The following NUP93 variants were observed in gnomAD, a reference collection of about 807,000 sequenced individuals.
NUP93 encodes the protein nuclear pore complex protein Nup93.
NUP93 carries 55 observed loss-of-function variants against 107.8 expected under a neutral mutation model. The observed-to-expected ratio is 0.51, with a 90% confidence interval of 0.41 to 0.64. NUP93 has a LOEUF of 0.64. NUP93 is among the 30% of genes least tolerant of loss of function. The probability of loss-of-function intolerance (pLI) is 0.00; values close to 1 mark genes in which losing one functional copy is unlikely to be tolerated. For missense variants in NUP93, 937 were observed against 1,044.7 expected (o/e 0.90, Z 1.42); for synonymous variants, 390 against 397.5 (o/e 0.98, Z 0.22).
At chr16:56,830,059 C>T (rs893226073) in intron 9 of NUP93, among the ~76,000 whole-genome samples, 3 of 152,228 alleles carry the variant, frequency 2.0e-5, no homozygotes, top group Non-Finnish European at 4.4e-5. Context: ...CAGTACCTGA[C>T]ACCAAGATAC....
At position 56,831,902 on chromosome 16, in the gene NUP93, T is replaced by A. The variant is rs1232206728; in HGVS notation, c.1146T>A (p.Asn382Lys). The change falls in exon 11 of 22, where the codon AAT (asparagine) becomes AAA (lysine). Residue 382 changes from asparagine (N) to lysine (K), a missense_variant. Asn to Lys is a moderately conservative substitution (Grantham distance 94, BLOSUM62 0). Transcript: ENST00000308159. Reference sequence around the variant, plus strand: ...ATTACCGTAGGGCCCTCAGGAACAATACAGATCCCTACAAGCGGGCCGTGT... The same window carrying A: ...ATTACCGTAGGGCCCTCAGGAACAAAACAGATCCCTACAAGCGGGCCGTGT... ...RLHYRRALRN[N>K]TDPYKRAVYC... The A allele has an allele frequency of 3.7e-6, 6 of 1,613,962 alleles. No individual in the cohort carries two copies. Among genetic ancestry groups the A allele is most frequent in the Non-Finnish European group, 5.1e-6 (6 of 1,180,018 alleles).
At position 56,799,186 on chromosome 16, in the gene NUP93, A is replaced by G. The variant is rs576378903; in HGVS notation, c.360+648A>G. On this transcript the variant is annotated intron_variant, in intron 4 of 21. Coordinates refer to ENST00000308159, the MANE Select transcript of NUP93 (RefSeq NM_014669.5). The stretch of plus-strand genomic sequence containing the variant: ...CAGCAGTTCAGAAAAGCAGCTGACA[A>G]TTTCCTTCAACTTAGTTTCCTTTTA... Among the ~76,000 whole-genome samples the G allele has an allele frequency of 7.9e-5, 12 of 152,268 alleles. No individual in the cohort carries two copies. The South Asian group carries it at 2.3e-3, about 29-fold the overall frequency.
chr16:56,800,097 C>T (rs1470640404), intron 4 of NUP93, among the ~76,000 whole-genome samples: 5 of 152,168 alleles, frequency 3.3e-5, no homozygotes, highest in South Asian at 2.1e-4. Flanking sequence ...GCAGGAGAAC[C>T]GCTTGAACCT....
chr16:56,783,727 C>G lies in NUP93; in HGVS notation c.298-14749C>G, dbSNP rs188681941. 6.6e-3 allele frequency: 6,527 copies of G among 985,364 alleles called. 19 individuals are homozygous for G. The highest frequency in any genetic ancestry group is 8.9e-3 in the Middle Eastern group (17 of 1,914). The allele number at this position is 985,364 out of a possible 1,614,324, so 61.0% of individuals were successfully genotyped here. A position where few individuals can be genotyped will look rare whatever the true frequency, so the allele number is the denominator to read the frequency against. Reference sequence around the variant, plus strand: ...GTGAGCTGTATTCTGAAGGCAGCTGCAAGGCCATTTCATTTACATTAGGTT... The same window carrying G: ...GTGAGCTGTATTCTGAAGGCAGCTGGAAGGCCATTTCATTTACATTAGGTT... On this transcript the variant is annotated intron_variant, in intron 3 of 21. Coordinates refer to ENST00000308159, the MANE Select transcript of NUP93 (RefSeq NM_014669.5).
intron 17 of NUP93, among the ~76,000 whole-genome samples, chr16:56,837,093 A>G (rs778318067): frequency 9.9e-5 from 15 of 152,236 alleles, no homozygotes; most frequent in East Asian, 1.9e-4. Flanking sequence ...AGACCACATC[A>G]GTGTGCAGGA....
intron 3 of NUP93, among the ~76,000 whole-genome samples, chr16:56,777,322 T>C (rs1962433069): frequency 6.6e-6 from 1 of 152,194 alleles, no homozygotes; most frequent in African/African-American, 2.4e-5. Flanking sequence ...CTGCTCTCAC[T>C]CTTTTGGTTT....
intron 3 of NUP93, among the ~76,000 whole-genome samples, chr16:56,769,590 A>G (rs1388566834): frequency 6.6e-6 from 1 of 152,140 alleles, no homozygotes; most frequent in Admixed American, 6.5e-5. Flanking sequence ...GCTGCCCTAC[A>G]GGTACACTGT....
At position 56,839,097 on chromosome 16, in the gene NUP93, G is replaced by T. The variant is rs748333757; in HGVS notation, c.2136+28G>T. On this transcript the variant is annotated intron_variant, in intron 19 of 21. Coordinates refer to ENST00000308159, the MANE Select transcript of NUP93 (RefSeq NM_014669.5). ...AAGTTTCAGGAAAGGTGTTTGAAGT[G>T]CAGGTTAATGTACACCCTCGAAAAT... is the stretch of plus-strand genomic sequence containing the variant. The T allele has an allele frequency of 6.7e-6, 10 of 1,490,420 alleles. No homozygotes were observed. In the South Asian group the frequency reaches 7.9e-5, roughly 12 times the overall value. The allele number at this position is 1,490,420 out of a possible 1,614,324, so 92.3% of individuals were successfully genotyped here.
At position 56,845,099 on chromosome 16, in the gene NUP93, C is replaced by G. The variant is rs1356530992; in HGVS notation, c.*490C>G. 1 of 205,660 alleles carries G rather than the reference C, an allele frequency of 4.9e-6. No individual in the cohort carries two copies. Among genetic ancestry groups the G allele is most frequent in the East Asian group, 7.7e-5 (1 of 13,016 alleles). 12.7% of individuals were successfully genotyped at this position (205,660 alleles called of 1,614,324 possible). On this transcript the variant is annotated 3_prime_UTR_variant, in exon 22 of 22. Coordinates refer to ENST00000308159, the MANE Select transcript of NUP93 (RefSeq NM_014669.5). ...TGTGAAATATCAAGCACTCCATGTCCTCCTCTAGAGAGTGTGACTTAAGTC... is the reference window on the plus strand; with the variant it reads ...TGTGAAATATCAAGCACTCCATGTCGTCCTCTAGAGAGTGTGACTTAAGTC...
chr16:56,764,029 G>T (rs1180445221), intron 3 of NUP93, among the ~76,000 whole-genome samples: 1 of 152,170 alleles, frequency 6.6e-6, no homozygotes, highest in Non-Finnish European at 1.5e-5. Flanking sequence ...GACTAAAGGT[G>T]TGATAATAAT....
chr16:56,780,275 T>G (rs1424687918), intron 3 of NUP93, among the ~76,000 whole-genome samples: 2 of 152,184 alleles, frequency 1.3e-5, no homozygotes, highest in Non-Finnish European at 2.9e-5. Flanking sequence ...TGCAGTTAAT[T>G]TTAAGTTAGG....
chr16:56,847,300 C>G lies in NUP93; in HGVS notation c.*2691C>G, dbSNP rs1964127558. The G allele has an allele frequency of 6.6e-6, 1 of 152,204 alleles. No individual in the cohort carries two copies. The highest frequency in any genetic ancestry group is 2.1e-4 in the South Asian group (1 of 4,828). 9.4% of individuals were successfully genotyped at this position (152,204 alleles called of 1,614,324 possible). Reference sequence around the variant, plus strand: ...CATGTACCCATCATTACAGCTTATGCCCAGAAGTCCTGACCCTGTGACAGG... The same window carrying G: ...CATGTACCCATCATTACAGCTTATGGCCAGAAGTCCTGACCCTGTGACAGG... On this transcript the variant is annotated 3_prime_UTR_variant, in exon 22 of 22. Coordinates refer to ENST00000308159, the MANE Select transcript of NUP93 (RefSeq NM_014669.5).
At chr16:56,794,082 GTAGGTAGGTAGATAGA>G (rs748915940) in intron 3 of NUP93, among the ~76,000 whole-genome samples, 62 of 136,658 alleles carry the variant, frequency 4.5e-4, no homozygotes, top group Admixed American at 1.5e-3. Context: ...AGGTAGGTAG[GTAGGTAGGTAGATAGA>G]TAGATAGATA....
chr16:56,831,209 C>G (rs192584785), intron 10 of NUP93, among the ~76,000 whole-genome samples: 1 of 152,122 alleles, frequency 6.6e-6, no homozygotes. Flanking sequence ...TTGGATTTTG[C>G]TAATGTAATT....
At chr16:56,809,742 G>GT (rs1963272900) in intron 5 of NUP93, among the ~76,000 whole-genome samples, 1 of 152,146 alleles carries the variant, frequency 6.6e-6, no homozygotes, top group Non-Finnish European at 1.5e-5. Context: ...AAACACCAGG[G>GT]TTTTTGGTTT....
At chr16:56,840,996 CAAAA>C (rs11428485) in intron 20 of NUP93, among the ~76,000 whole-genome samples, 1 of 98,210 alleles carries the variant, frequency 1.0e-5, no homozygotes. Context: ...GACTTTGTCT[CAAAA>C]AAAAAAAAAA....
chr16:56,836,570 C>T lies in NUP93; in HGVS notation c.1783-31C>T, dbSNP rs1963916139. On this transcript the variant is annotated intron_variant, in intron 16 of 21. Transcript: ENST00000308159. Reference sequence around the variant, plus strand: ...AATAGCTCTGTGCACCCGTCTCTCTCTTCCTCCCCCTCCATAATTTGTCTT... The same window carrying T: ...AATAGCTCTGTGCACCCGTCTCTCTTTTCCTCCCCCTCCATAATTTGTCTT... The T allele has an allele frequency of 3.8e-6, 5 of 1,329,308 alleles. No individual in the cohort carries two copies. The East Asian group carries it at 9.2e-5, about 24-fold the overall frequency. 82.3% of individuals were successfully genotyped at this position (1,329,308 alleles called of 1,614,324 possible). A position where few individuals can be genotyped will look rare whatever the true frequency, so the allele number is the denominator to read the frequency against.
intron 21 of NUP93, among the ~76,000 whole-genome samples, chr16:56,842,305 G>A (rs1964041005): frequency 6.6e-6 from 1 of 152,108 alleles, no homozygotes; most frequent in African/African-American, 2.4e-5. Flanking sequence ...TGAGGAAACT[G>A]AGCTGTGGAG....
intron 3 of NUP93, among the ~76,000 whole-genome samples, chr16:56,785,709 A>G (rs1367232042): frequency 6.6e-6 from 1 of 152,172 alleles, no homozygotes; most frequent in Admixed American, 6.5e-5. Flanking sequence ...TTTTCTTTAA[A>G]TTAGGTTTGA....
Sources: allele counts gnomAD v4.1 joint callset (sites outside exome capture counted in the v4.1 genomes callset), GRCh38; gene constraint gnomAD v4.1.1; transcripts MANE v1.5; gene names NCBI Gene and HGNC (gene_info 2026-07-23, HGNC 2026-07-21).